Variants in GTF2IRD2B observed in about 807,000 individuals in gnomAD.
GTF2IRD2B encodes the protein general transcription factor II-I repeat domain-containing protein 2B.
GTF2IRD2B carries 10 observed loss-of-function variants against 55.6 expected under a neutral mutation model. The ratio of observed to expected loss-of-function variants is 0.18; its 90% CI spans 0.11 to 0.31. The LOEUF (loss-of-function observed/expected upper bound fraction) is 0.31. Ranked by LOEUF, GTF2IRD2B falls within the 10% of genes least tolerant of loss-of-function variation. The pLI is 1.00. For missense variants in GTF2IRD2B, 206 were observed against 802.7 expected (o/e 0.26, Z 8.98); for synonymous variants, 107 against 320.5 (o/e 0.33, Z 7.12).
At chr7:75,106,433 AC>A (rs1554450241) in intron 1 of GTF2IRD2B, among the ~76,000 whole-genome samples, 1 of 150,608 alleles carries the variant, frequency 6.6e-6, no homozygotes, top group African/African-American at 2.4e-5. Flanking sequence ...CCGCATGCAC[AC>A]TCATGTTGAT....
chr7:75,106,156 A>G (rs1260873543), intron 1 of GTF2IRD2B, among the ~76,000 whole-genome samples: 1 of 152,304 alleles, frequency 6.6e-6, no homozygotes, highest in Non-Finnish European at 1.5e-5. Context: ...TAATCCCAGC[A>G]CTTTGGGAGG....
intron 1 of GTF2IRD2B, among the ~76,000 whole-genome samples, chr7:75,100,289 C>CT (rs1554449355): frequency 1.8e-4 from 19 of 104,080 alleles, no homozygotes; most frequent in East Asian, 1.3e-3. Flanking sequence ...TTATTTAAAA[C>CT]TTTTTTTTTT....
chr7:75,102,049 C>A (rs1402806271), intron 1 of GTF2IRD2B, among the ~76,000 whole-genome samples: 1 of 151,422 alleles, frequency 6.6e-6, no homozygotes, highest in East Asian at 1.9e-4. Context: ...GTTGCCCAGG[C>A]TGGAGTGCAG....
chr7:75,104,912 C>T (rs1325004199), intron 1 of GTF2IRD2B, among the ~76,000 whole-genome samples: 24 of 152,410 alleles, frequency 1.6e-4, no homozygotes, highest in Admixed American at 5.2e-4. Flanking sequence ...AAAACAATAC[C>T]GGCTGGGCGC....
chr7:75,115,643 C>G (rs1808123441), intron 3 of GTF2IRD2B, among the ~76,000 whole-genome samples: 2 of 142,338 alleles, frequency 1.4e-5, no homozygotes, highest in East Asian at 2.0e-4. Context: ...CCATGTTGGC[C>G]AGGATGGTCT....
chr7:75,103,141 C>T (rs1408309329), intron 1 of GTF2IRD2B, among the ~76,000 whole-genome samples: 7 of 150,902 alleles, frequency 4.6e-5, no homozygotes, highest in African/African-American at 1.5e-4. Flanking sequence ...TAGCTGGGCC[C>T]GGTGGCGGGT....
chr7:75,115,365 G>C (rs587727474), intron 3 of GTF2IRD2B, among the ~76,000 whole-genome samples: 1 of 150,466 alleles, frequency 6.6e-6, no homozygotes, highest in South Asian at 2.1e-4. Flanking sequence ...CTCCAAATTT[G>C]CTCTTCTTCA....
intron 1 of GTF2IRD2B, among the ~76,000 whole-genome samples, chr7:75,105,836 A>G (rs1428197612): frequency 6.6e-6 from 1 of 152,310 alleles, no homozygotes; most frequent in Non-Finnish European, 1.5e-5. Context: ...TTGCACTAAA[A>G]GTCTGTTATG....
intron 8 of GTF2IRD2B, among the ~76,000 whole-genome samples, chr7:75,132,767 G>T (rs1429550913): frequency 6.8e-6 from 1 of 148,012 alleles, no homozygotes; most frequent in Non-Finnish European, 1.5e-5. Flanking sequence ...TAGCCAGGTT[G>T]GTCTCAAACT....
At chr7:75,145,928 A>G (rs1475632888) in intron 15 of GTF2IRD2B, among the ~76,000 whole-genome samples, 1 of 90,614 alleles carries the variant, frequency 1.1e-5, no homozygotes, top group Non-Finnish European at 2.1e-5. Flanking sequence ...GCATGATCAT[A>G]GCTCACTGCA....
intron 9 of GTF2IRD2B, among the ~76,000 whole-genome samples, chr7:75,134,786 C>T (rs2938659): frequency 1.4e-5 from 2 of 144,144 alleles, no homozygotes; most frequent in South Asian, 4.2e-4. Flanking sequence ...AGGCTGGTCT[C>T]GAACTCCTGA....
intron 1 of GTF2IRD2B, among the ~76,000 whole-genome samples, chr7:75,102,037 CTG>C (rs1807585501): frequency 6.6e-6 from 1 of 151,070 alleles, no homozygotes; most frequent in African/African-American, 2.4e-5. Context: ...GAGTCTCACT[CTG>C]TTGCCCAGGC....
At chr7:75,114,574 C>T (rs1171363153) in intron 3 of GTF2IRD2B, among the ~76,000 whole-genome samples, 1 of 151,348 alleles carries the variant, frequency 6.6e-6, no homozygotes, top group Non-Finnish European at 1.5e-5. Context: ...GCAACCCTTG[C>T]CCCCACTTCC....
At chr7:75,102,382 T>C (rs782661332) in intron 1 of GTF2IRD2B, among the ~76,000 whole-genome samples, 2 of 151,576 alleles carry the variant, frequency 1.3e-5, no homozygotes, top group Non-Finnish European at 2.9e-5. Context: ...CACTAATCTA[T>C]TCTCAGTTCC....
intron 1 of GTF2IRD2B, among the ~76,000 whole-genome samples, chr7:75,105,135 AC>A (rs1807740870): frequency 6.6e-6 from 1 of 152,298 alleles, no homozygotes. Flanking sequence ...GGTCGAGGCT[AC>A]ACTGAACTGT....
chr7:75,115,065 T>G (rs1808094861), intron 3 of GTF2IRD2B, among the ~76,000 whole-genome samples: 1 of 133,442 alleles, frequency 7.5e-6, no homozygotes, highest in Non-Finnish European at 1.6e-5. Flanking sequence ...CCCAAAGTGC[T>G]GGGATTACAG....
At chr7:75,117,304 A>C (rs1274595215) in intron 3 of GTF2IRD2B, among the ~76,000 whole-genome samples, 2 of 151,934 alleles carry the variant, frequency 1.3e-5, no homozygotes, top group African/African-American at 4.8e-5. Flanking sequence ...GTTCGAGACC[A>C]GCCTGGTCAA....
intron 6 of GTF2IRD2B, chr7:75,123,896 T>C: frequency 3.0e-6 from 1 of 336,244 alleles, no homozygotes; most frequent in South Asian, 2.4e-5. Flanking sequence ...AAACAAAACT[T>C]GAATTTGGGT....
intron 3 of GTF2IRD2B, among the ~76,000 whole-genome samples, chr7:75,116,276 A>T: frequency 7.6e-6 from 1 of 132,166 alleles, no homozygotes; most frequent in East Asian, 2.2e-4. Flanking sequence ...TAGTATACAG[A>T]TTTTTCCCTT....
Sources: allele counts gnomAD v4.1 joint callset (sites outside exome capture counted in the v4.1 genomes callset), GRCh38; gene constraint gnomAD v4.1.1; transcripts MANE v1.5; gene names NCBI Gene and HGNC (gene_info 2026-07-23, HGNC 2026-07-21).